The following STX8 variants were observed in gnomAD, a reference collection of about 807,000 sequenced individuals.
STX8 encodes the protein syntaxin-8.
In STX8, 23 loss-of-function variants were observed where a neutral mutation model predicts 37.5. That is an observed-to-expected ratio of 0.61 (90% CI 0.44 to 0.87). The LOEUF is 0.87. Among genes scored for constraint, STX8 ranks in the 40% least tolerant of loss-of-function variants. STX8 has a pLI of 0.00. For synonymous variants in STX8, 115 were observed against 99.1 expected (o/e 1.16, Z -0.95); for missense variants, 313 against 284.7 (o/e 1.10, Z -0.71).
chr17:9,362,650 C>T (rs1427601550), intron 7 of STX8, among the ~76,000 whole-genome samples: 1 of 151,842 alleles, frequency 6.6e-6, no homozygotes, highest in Non-Finnish European at 1.5e-5. Flanking sequence ...AACCCCGTCT[C>T]TACTAAACAA....
chr17:9,309,985 AT>A (rs1909133932), intron 7 of STX8, among the ~76,000 whole-genome samples: 4 of 151,786 alleles, frequency 2.6e-5, no homozygotes, highest in African/African-American at 9.7e-5. Context: ...ATATTTGTCA[AT>A]AGTCAAGTTG....
rs538428069 is a variant in STX8, at chr17:9,380,624, C to T, written c.542-1971G>A. Reference sequence around the variant, plus strand: ...TTCAGTCGATGACCGACCACATCTACGACAGTAGTACCATAAGTGGTACAG... The same window carrying T: ...TTCAGTCGATGACCGACCACATCTATGACAGTAGTACCATAAGTGGTACAG... On this transcript the variant is annotated intron_variant, in intron 6 of 7. Transcript: ENST00000306357. 1.8e-4 allele frequency among the ~76,000 whole-genome samples: 27 copies of T among 151,246 alleles called. 1 individual carries two copies. In the South Asian group the frequency reaches 4.2e-3, roughly 24 times the overall value.
Position 9,429,951 on chromosome 17 carries a change from TA to T in STX8, c.542-51299del. Among the ~76,000 whole-genome samples, 29 of 6,890 alleles carry T rather than the reference TA, an allele frequency of 4.2e-3. 9 individuals are homozygous for T. The highest frequency in any genetic ancestry group is 0.03 in the African/African-American group (27 of 912). The allele number at this position is 6,890 out of a possible 152,430, so 4.5% of individuals were successfully genotyped here. A position where few individuals can be genotyped will look rare whatever the true frequency, so the allele number is the denominator to read the frequency against. On this transcript the variant is annotated intron_variant, in intron 6 of 7. Transcript: ENST00000306357. ...AATATATATTATATAGAATATATTA[TA>T]TATAATATATATATTATATATTATA... is the stretch of plus-strand genomic sequence containing the variant.
chr17:9,547,321 A>G (rs1906574181), intron 3 of STX8: 2 of 151,798 alleles, frequency 1.3e-5, no homozygotes. Context: ...CCATAAAATG[A>G]ATGAGTGGAG....
intron 3 of STX8, among the ~76,000 whole-genome samples, chr17:9,549,377 C>T (rs562928319): frequency 2.6e-5 from 4 of 152,240 alleles, no homozygotes; most frequent in African/African-American, 9.6e-5. Context: ...GAAACCCACA[C>T]AGTTGATGCT....
intron 7 of STX8, among the ~76,000 whole-genome samples, chr17:9,302,336 G>C (rs1363549126): frequency 6.6e-6 from 1 of 151,466 alleles, no homozygotes; most frequent in African/African-American, 2.4e-5. Context: ...TATTTAATCT[G>C]CCTTTTCAAA....
intron 4 of STX8, among the ~76,000 whole-genome samples, chr17:9,514,714 A>G (rs1905117192): frequency 6.6e-6 from 1 of 152,218 alleles, no homozygotes; most frequent in African/African-American, 2.4e-5. Context: ...ACACGGCTCC[A>G]GGTGATTTAT....
chr17:9,362,280 G>A (rs1284678729), intron 7 of STX8, among the ~76,000 whole-genome samples: 3 of 152,140 alleles, frequency 2.0e-5, no homozygotes, highest in African/African-American at 4.8e-5. Flanking sequence ...CAGTGAGATC[G>A]TACCACTGTA....
intron 7 of STX8, among the ~76,000 whole-genome samples, chr17:9,250,896 G>C (rs558533930): frequency 1.1e-4 from 17 of 152,226 alleles, no homozygotes; most frequent in African/African-American, 4.1e-4. Flanking sequence ...CAAGCCAGGA[G>C]GGGGTGAGGC....
intron 7 of STX8, among the ~76,000 whole-genome samples, chr17:9,348,153 C>T (rs1026131918): frequency 2.0e-5 from 3 of 151,930 alleles, no homozygotes; most frequent in Non-Finnish European, 4.4e-5. Context: ...CTGCTGGGCG[C>T]GGTGGCTCAC....
intron 6 of STX8, among the ~76,000 whole-genome samples, chr17:9,431,790 G>A (rs570716825): frequency 6.6e-6 from 1 of 152,304 alleles, no homozygotes; most frequent in Non-Finnish European, 1.5e-5. Flanking sequence ...TTAAGACCAC[G>A]AGTGCTGTAC....
At chr17:9,509,351 A>T (rs1904948472) in intron 4 of STX8, among the ~76,000 whole-genome samples, 1 of 152,200 alleles carries the variant, frequency 6.6e-6, no homozygotes, top group Non-Finnish European at 1.5e-5. Flanking sequence ...TTCTCAGCAG[A>T]AATCTTACCA....
intron 7 of STX8, among the ~76,000 whole-genome samples, chr17:9,307,646 T>C (rs1410455471): frequency 1.3e-5 from 2 of 152,284 alleles, no homozygotes; most frequent in Non-Finnish European, 2.9e-5. Context: ...TTTCCCACTA[T>C]TGTTTATTCT....
intron 4 of STX8, among the ~76,000 whole-genome samples, chr17:9,529,270 A>T (rs62066227): frequency 2.3e-5 from 3 of 129,816 alleles, no homozygotes; most frequent in African/African-American, 5.8e-5. Context: ...AGAGAGAGAG[A>T]GAGTGTGTGG....
Position 9,467,424 on chromosome 17 carries a change from C to G in STX8, c.541+24405G>C, listed in dbSNP as rs529053733. Reference sequence around the variant, plus strand: ...ACAGTGTTGCAGAGGATCCAGTCTCCCCTGGGTTAAGGAACAGAATGAATA... The same window carrying G: ...ACAGTGTTGCAGAGGATCCAGTCTCGCCTGGGTTAAGGAACAGAATGAATA... On this transcript the variant is annotated intron_variant, in intron 6 of 7. Transcript: ENST00000306357. 126 of 152,298 alleles carry G rather than the reference C, an allele frequency of 8.3e-4. 1 individual carries two copies. Among genetic ancestry groups the G allele is most frequent in the African/African-American group, 3.0e-3 (123 of 41,532 alleles). The allele number at this position is 152,298 out of a possible 1,614,324, so 9.4% of individuals were successfully genotyped here. A position where few individuals can be genotyped will look rare whatever the true frequency, so the allele number is the denominator to read the frequency against.
intron 6 of STX8, among the ~76,000 whole-genome samples, chr17:9,487,083 T>TCACTGGCATAGGAACAG (rs1306287245): frequency 1.3e-5 from 2 of 152,188 alleles, no homozygotes; most frequent in Non-Finnish European, 2.9e-5. Context: ...CTTGGCTTGG[T>TCACTGGCATAGGAACAG]CACTGGCATA....
intron 6 of STX8, among the ~76,000 whole-genome samples, chr17:9,393,072 A>C (rs1207314741): frequency 6.6e-6 from 1 of 152,250 alleles, no homozygotes; most frequent in African/African-American, 2.4e-5. Context: ...ATTGCTGAAC[A>C]CTAAAGACAA....
intron 7 of STX8, among the ~76,000 whole-genome samples, chr17:9,311,325 T>C (rs564368342): frequency 6.6e-6 from 1 of 151,654 alleles, no homozygotes; most frequent in African/African-American, 2.4e-5. Flanking sequence ...AATATGTATC[T>C]GCAATGGAAT....
intron 6 of STX8, among the ~76,000 whole-genome samples, chr17:9,426,659 G>GAGA (rs71135979): frequency 6.6e-6 from 1 of 152,132 alleles, no homozygotes; most frequent in Non-Finnish European, 1.5e-5. Flanking sequence ...TACTCAGGAG[G>GAGA]CTGAGGTGGG....
Sources: allele counts gnomAD v4.1 joint callset (sites outside exome capture counted in the v4.1 genomes callset), GRCh38; gene constraint gnomAD v4.1.1; transcripts MANE v1.5; gene names NCBI Gene and HGNC (gene_info 2026-07-23, HGNC 2026-07-21).